ASB3: variants seen among roughly 807,000 people sequenced by gnomAD.
ASB3 encodes the protein ankyrin repeat and SOCS box containing 3.
Under a neutral mutation model 54.5 loss-of-function variants are expected in ASB3, and 41 were observed. The observed-to-expected ratio is 0.75, with a 90% confidence interval of 0.59 to 0.98. The LOEUF is 0.98. Among genes scored for constraint, ASB3 ranks in the 50% least tolerant of loss-of-function variants. The probability of loss-of-function intolerance (pLI) is 0.00; values close to 1 mark genes in which losing one functional copy is unlikely to be tolerated. For synonymous variants in ASB3, 266 were observed against 221.2 expected, an observed-to-expected ratio of 1.20 and a Z score of -1.80; for missense variants, 733 against 620.0, an observed-to-expected ratio of 1.18 and a Z score of -1.94.
intron 3 of ASB3, among the ~76,000 whole-genome samples, chr2:53,732,335 T>TA (rs575860846): frequency 4.6e-5 from 7 of 151,772 alleles, no homozygotes; most frequent in Admixed American, 3.9e-4. Context: ...ATTACCATAT[T>TA]AAAAAAAAGC....
intron 3 of ASB3, among the ~76,000 whole-genome samples, chr2:53,736,467 G>C (rs1168827906): frequency 1.3e-5 from 2 of 152,170 alleles, no homozygotes; most frequent in Non-Finnish European, 2.9e-5. Context: ...GGGAGGCCGA[G>C]GCAGGCGGAT....
At chr2:53,713,309 T>A (rs964248611) in intron 7 of ASB3, among the ~76,000 whole-genome samples, 2 of 152,234 alleles carry the variant, frequency 1.3e-5, no homozygotes, top group Non-Finnish European at 2.9e-5. Flanking sequence ...TTCATAATAG[T>A]GAATTCAAGA....
At chr2:53,785,852 A>G (rs1338347969) in intron 1 of ASB3, among the ~76,000 whole-genome samples, 1 of 152,268 alleles carries the variant, frequency 6.6e-6, no homozygotes, top group Non-Finnish European at 1.5e-5. Flanking sequence ...AAAACAAACA[A>G]CAACAACAAA....
At chr2:53,768,627 G>T (rs1329219181) in intron 1 of ASB3, among the ~76,000 whole-genome samples, 1 of 152,170 alleles carries the variant, frequency 6.6e-6, no homozygotes, top group African/African-American at 2.4e-5. Context: ...GTTAAATGAA[G>T]TTCTGGTTAT....
chr2:53,692,199 C>T (rs918368040), intron 9 of ASB3, among the ~76,000 whole-genome samples: 2 of 152,264 alleles, frequency 1.3e-5, no homozygotes, highest in Middle Eastern at 3.4e-3. Context: ...AAATAACAAA[C>T]AGCTTCCAGT....
intron 5 of ASB3, among the ~76,000 whole-genome samples, chr2:53,726,597 T>C (rs180805165): frequency 3.4e-4 from 52 of 151,160 alleles, no homozygotes; most frequent in African/African-American, 7.0e-4. Flanking sequence ...TATATATATA[T>C]ACACACACAC....
Position 53,700,677 on chromosome 2 carries a change from T to C in ASB3, c.981-149A>G, listed in dbSNP as rs958115679. The stretch of plus-strand genomic sequence containing the variant: ...TTCTACACATCTAGTGGATTGAGAT[T>C]AGAGAATGTGGTGGGGCTTTTGCTT... On this transcript the variant is annotated intron_variant, in intron 7 of 9. Coordinates refer to ENST00000263634, the MANE Select transcript of ASB3 (RefSeq NM_016115.5). The C allele has an allele frequency of 3.3e-6, 4 of 1,214,082 alleles. No homozygotes were observed. In the African/African-American group the frequency reaches 6.2e-5, roughly 19 times the overall value. 75.2% of individuals were successfully genotyped at this position (1,214,082 alleles called of 1,614,324 possible). A position where few individuals can be genotyped will look rare whatever the true frequency, so the allele number is the denominator to read the frequency against.
intron 3 of ASB3, among the ~76,000 whole-genome samples, chr2:53,735,998 T>TAAA (rs201138986): frequency 1.0e-5 from 1 of 96,236 alleles, no homozygotes; most frequent in Non-Finnish European, 2.3e-5. Context: ...ACAAACCTTC[T>TAAA]AAAAAAAAAA....
chr2:53,728,901 ATCTT>A (rs1671149633), intron 4 of ASB3, 54 bp from the exon 5 acceptor site: 7 of 1,515,852 alleles, frequency 4.6e-6, no homozygotes, highest in Non-Finnish European at 6.2e-6. Context: ...AATAGAAGGT[ATCTT>A]TCTTCTTACT....
chr2:53,767,264 A>G (rs1388005364), intron 1 of ASB3: 17 of 152,270 alleles, frequency 1.1e-4, no homozygotes, highest in African/African-American at 4.1e-4. Context: ...CATTGAAATG[A>G]CAGCTACTCT....
Position 53,750,912 on chromosome 2 carries a change from T to A in ASB3, c.226A>T (p.Thr76Ser), listed in dbSNP as rs773171418. Residue 76 changes from threonine (T) to serine (S), a missense_variant, in exon 3 of 10, where the codon ACC (threonine) becomes TCC (serine). Coordinates refer to ENST00000263634, the MANE Select transcript of ASB3 (RefSeq NM_016115.5). ...TGCAAAGCACAGAAACCTTCAAAGG[T>A]CTTCATCTTAATGTAGTTTTCAGAT... ...DSSENYIKMK[T>S]FEGFCALHLA... 1 of 1,586,094 alleles carries A rather than the reference T, an allele frequency of 6.3e-7. No homozygotes were observed. The highest frequency in any genetic ancestry group is 1.4e-5 in the African/African-American group (1 of 73,996).
chr2:53,753,888 G>A (rs530877719), intron 2 of ASB3, among the ~76,000 whole-genome samples: 9 of 151,996 alleles, frequency 5.9e-5, no homozygotes, highest in African/African-American at 1.4e-4. Context: ...TGATCTGCCC[G>A]ACTTGGCCTC....
intron 9 of ASB3, among the ~76,000 whole-genome samples, chr2:53,691,840 G>C (rs756344292): frequency 6.6e-6 from 1 of 152,118 alleles, no homozygotes; most frequent in Admixed American, 6.5e-5. Context: ...CTGCAGAAGA[G>C]GAAGCACCAA....
At chr2:53,734,488 A>G (rs749038338) in intron 3 of ASB3, among the ~76,000 whole-genome samples, 2 of 152,132 alleles carry the variant, frequency 1.3e-5, no homozygotes, top group Non-Finnish European at 2.9e-5. Flanking sequence ...CATTCATTCA[A>G]CAAATGTCTA....
At chr2:53,758,670 T>C (rs1306658103) in intron 2 of ASB3, among the ~76,000 whole-genome samples, 6 of 152,160 alleles carry the variant, frequency 3.9e-5, no homozygotes, top group Non-Finnish European at 4.4e-5. Context: ...GACTGCTACA[T>C]TGGTGAGTGT....
intron 9 of ASB3, among the ~76,000 whole-genome samples, chr2:53,692,192 TAACA>T (rs1038745782): frequency 2.0e-5 from 3 of 152,046 alleles, no homozygotes; most frequent in Admixed American, 2.0e-4. Context: ...ATGGATGAAA[TAACA>T]AACAGCTTCC....
chr2:53,777,669 C>T (rs1337113143), intron 1 of ASB3, among the ~76,000 whole-genome samples: 2 of 152,184 alleles, frequency 1.3e-5, no homozygotes, highest in Admixed American at 1.3e-4. Context: ...ACATAATACA[C>T]ATTAAACGTT....
intron 2 of ASB3, among the ~76,000 whole-genome samples, chr2:53,754,655 C>A (rs1672716185): frequency 6.6e-6 from 1 of 152,168 alleles, no homozygotes; most frequent in Non-Finnish European, 1.5e-5. Flanking sequence ...TTACTTAAAC[C>A]TCTCTGAGGC....
chr2:53,696,138 T>G (rs1669169582), intron 8 of ASB3, among the ~76,000 whole-genome samples: 1 of 152,200 alleles, frequency 6.6e-6, no homozygotes, highest in Non-Finnish European at 1.5e-5. Flanking sequence ...GTTAAGCATT[T>G]TCATTGCTAA....
Sources: allele counts gnomAD v4.1 joint callset (sites outside exome capture counted in the v4.1 genomes callset), GRCh38; gene constraint gnomAD v4.1.1; transcripts MANE v1.5; gene names NCBI Gene and HGNC (gene_info 2026-07-23, HGNC 2026-07-21).